The following PPP1R9A variants were observed in gnomAD, a reference collection of about 807,000 sequenced individuals.
PPP1R9A encodes the protein protein phosphatase 1 regulatory subunit 9A.
A neutral mutation model predicts 141.9 loss-of-function variants in PPP1R9A; 59 were observed. That is an observed-to-expected ratio of 0.42 (90% CI 0.34 to 0.52). The LOEUF is 0.52. PPP1R9A is among the 20% of genes least tolerant of loss of function. The probability of loss-of-function intolerance (pLI) is 0.10; values close to 1 mark genes in which losing one functional copy is unlikely to be tolerated. For missense variants in PPP1R9A, 1,444 were observed against 1,611.9 expected, an observed-to-expected ratio of 0.90 and a Z score of 1.78; for synonymous variants, 500 against 569.7, an observed-to-expected ratio of 0.88 and a Z score of 1.74.
At chr7:94,996,799 G>GTGT (rs1802232983) in intron 2 of PPP1R9A, among the ~76,000 whole-genome samples, 1 of 111,646 alleles carries the variant, frequency 9.0e-6, no homozygotes, top group Non-Finnish European at 1.8e-5. Context: ...GATACTCTGT[G>GTGT]TTTTTTTTTT....
chr7:95,081,337 T>A (rs746177766), intron 2 of PPP1R9A, among the ~76,000 whole-genome samples: 17 of 152,138 alleles, frequency 1.1e-4, no homozygotes, highest in Non-Finnish European at 2.1e-4. Context: ...AATGGAAGAA[T>A]TAGTATACAA....
intron 14 of PPP1R9A, among the ~76,000 whole-genome samples, chr7:95,270,365 C>T (rs1417649742): frequency 6.6e-6 from 1 of 152,072 alleles, no homozygotes; most frequent in African/African-American, 2.4e-5. Context: ...TTAATTACAG[C>T]CATGTTTGAT....
intron 3 of PPP1R9A, among the ~76,000 whole-genome samples, chr7:95,116,537 G>A (rs1469970421): frequency 1.3e-5 from 2 of 152,056 alleles, no homozygotes; most frequent in Admixed American, 1.3e-4. Context: ...AATTTATCTA[G>A]ATAAAATAAT....
chr7:95,137,415 CAAA>C lies in PPP1R9A; in HGVS notation c.1649+16604_1649+16606del, dbSNP rs33928009. On this transcript the variant is annotated intron_variant, in intron 4 of 19. Transcript: ENST00000433360. ...CATGTCCCTACAAAGGACATGAACT[CAAA>C]AAAAAAAAAAAAAAAAAAAAGATGC... Among the ~76,000 whole-genome samples the C allele has an allele frequency of 4.8e-3, 442 of 91,462 alleles. 11 individuals carry two copies. Among genetic ancestry groups the C allele is most frequent in the South Asian group, 0.016 (36 of 2,230 alleles). The allele number at this position is 91,462 out of a possible 152,430, so 60.0% of individuals were successfully genotyped here. A position where few individuals can be genotyped will look rare whatever the true frequency, so the allele number is the denominator to read the frequency against.
intron 2 of PPP1R9A, among the ~76,000 whole-genome samples, chr7:95,047,254 G>A (rs1192646451): frequency 6.6e-6 from 1 of 152,120 alleles, no homozygotes; most frequent in Non-Finnish European, 1.5e-5. Context: ...AATTTTATCA[G>A]CAGGGACTAT....
intron 4 of PPP1R9A, among the ~76,000 whole-genome samples, chr7:95,135,700 C>T (rs560321765): frequency 6.7e-6 from 1 of 150,036 alleles, no homozygotes; most frequent in East Asian, 2.3e-4. Context: ...ATTTAGTATT[C>T]CTCTTACTCA....
intron 7 of PPP1R9A, among the ~76,000 whole-genome samples, chr7:95,221,884 C>T (rs925233541): frequency 5.8e-4 from 88 of 152,024 alleles, no homozygotes; most frequent in African/African-American, 2.0e-3. Flanking sequence ...ACCCATAAGC[C>T]AAGAGGAAGA....
chr7:95,042,450 G>A (rs1054304786), intron 2 of PPP1R9A, among the ~76,000 whole-genome samples: 2 of 152,122 alleles, frequency 1.3e-5, no homozygotes, highest in African/African-American at 4.8e-5. Context: ...TTATGACCTT[G>A]TTTTTGCATG....
chr7:95,017,918 T>TCCAA (rs750561364), intron 2 of PPP1R9A, among the ~76,000 whole-genome samples: 2 of 152,158 alleles, frequency 1.3e-5, no homozygotes, highest in Non-Finnish European at 2.9e-5. Flanking sequence ...CCAAAGACAT[T>TCCAA]TGTATAGTAA....
chr7:95,078,028 G>A (rs1456074997), intron 2 of PPP1R9A, among the ~76,000 whole-genome samples: 7 of 148,438 alleles, frequency 4.7e-5, no homozygotes, highest in Non-Finnish European at 8.9e-5. Context: ...TGTGCACAAC[G>A]TGCAGGTTAG....
chr7:94,910,907 G>T lies in PPP1R9A; in HGVS notation c.794G>T (p.Gly265Val), dbSNP rs759569522. 6.2e-7 allele frequency: 1 copy of T among 1,614,030 alleles called. No individual in the cohort carries two copies. The stretch of plus-strand genomic sequence containing the variant: ...TCCTGGCCTCCTTCAAACAAGCGAG[G>T]TGTTGATACAGAGGATGCTCACAAG... Reference protein sequence around the residue: ...SNSWPPSNKRGVDTEDAHKSN... With the variant: ...SNSWPPSNKRVVDTEDAHKSN... Residue 265 changes from glycine (G) to valine (V), a missense_variant, in exon 2 of 20, where the codon GGT (glycine) becomes GTT (valine). Transcript: ENST00000433360. The surrounding 1 kb of genome is among the most constrained non-coding windows in gnomAD (Gnocchi z 4.5).
In PPP1R9A at chr7:95,065,606, C is replaced by G. The variant is rs142094935; in HGVS notation, c.1396-45653C>G. Among the ~76,000 whole-genome samples, 1,173 of 152,214 alleles carry G rather than the reference C, an allele frequency of 7.7e-3. 14 individuals carry two copies. The highest frequency in any genetic ancestry group is 0.027 in the African/African-American group (1,123 of 41,528). ...TTGTCTGTTGTGACTGGAGTCATCA[C>G]TGGATTAAGCTGACAATAAACTACT... On this transcript the variant is annotated intron_variant, in intron 2 of 19. Coordinates refer to ENST00000433360, the MANE Select transcript of PPP1R9A (RefSeq NM_001166160.2).
chr7:95,166,109 T>A (rs1585039682), intron 5 of PPP1R9A, among the ~76,000 whole-genome samples: 1 of 145,144 alleles, frequency 6.9e-6, no homozygotes. Flanking sequence ...AGATGCACCA[T>A]TGCACTCCAG....
intron 2 of PPP1R9A, among the ~76,000 whole-genome samples, chr7:95,102,077 G>A (rs1310902721): frequency 6.6e-6 from 1 of 152,094 alleles, no homozygotes; most frequent in East Asian, 1.9e-4. Context: ...ATTTAGTGGA[G>A]GGCAGTAGAC....
intron 2 of PPP1R9A, among the ~76,000 whole-genome samples, chr7:95,037,857 C>A (rs1057497027): frequency 6.6e-6 from 1 of 151,788 alleles, no homozygotes; most frequent in South Asian, 2.1e-4. Flanking sequence ...GTAATCCCAA[C>A]ACTTTGGGAG....
At chr7:95,210,806 A>G (rs570781405) in intron 7 of PPP1R9A, among the ~76,000 whole-genome samples, 1 of 152,364 alleles carries the variant, frequency 6.6e-6, no homozygotes, top group East Asian at 1.9e-4. Context: ...ACCATGCAGT[A>G]CTATGCAGTC....
intron 4 of PPP1R9A, among the ~76,000 whole-genome samples, chr7:95,124,466 G>A (rs1377538302): frequency 1.3e-5 from 2 of 152,024 alleles, no homozygotes; most frequent in African/African-American, 4.8e-5. Flanking sequence ...TAGTGTATGG[G>A]TTTTTTAAAA....
chr7:95,164,347 A>C (rs1752441991), intron 5 of PPP1R9A, among the ~76,000 whole-genome samples: 1 of 152,284 alleles, frequency 6.6e-6, no homozygotes, highest in East Asian at 1.9e-4. Context: ...GGTAATGAAA[A>C]GTTTCATGTT....
At chr7:94,933,226 G>T (rs982459539) in intron 2 of PPP1R9A, among the ~76,000 whole-genome samples, 1 of 152,128 alleles carries the variant, frequency 6.6e-6, no homozygotes, top group Non-Finnish European at 1.5e-5. Context: ...CACTTGAAAT[G>T]TGCAAATTTA....
Sources: gnomAD v4.1 joint callset for allele counts (sites outside exome capture counted in the v4.1 genomes callset) on GRCh38, gnomAD v4.1.1 for gene constraint, Gnocchi (gnomAD v3.1) non-coding constraint, MANE v1.5 for transcripts, NCBI Gene and HGNC (gene_info 2026-07-23, HGNC 2026-07-21) for gene names.